CCDC83: variants seen among roughly 807,000 people sequenced by gnomAD.
The protein encoded by CCDC83 is coiled-coil domain-containing protein 83.
Under a neutral mutation model 50.1 loss-of-function variants are expected in CCDC83, and 54 were observed. The ratio of observed to expected loss-of-function variants is 1.08; its 90% CI spans 0.87 to 1.35. The LOEUF is 1.35. Ranked by LOEUF, CCDC83 falls within the 40% of genes most tolerant of loss-of-function variation. The probability of loss-of-function intolerance (pLI) is 0.00; values close to 1 mark genes in which losing one functional copy is unlikely to be tolerated. For synonymous variants in CCDC83, 161 were observed against 153.3 expected (o/e 1.05, Z -0.37); for missense variants, 518 against 473.9 (o/e 1.09, Z -0.86).
intron 3 of CCDC83, among the ~76,000 whole-genome samples, chr11:85,882,021 C>A (rs545402195): frequency 6.6e-6 from 1 of 152,126 alleles, no homozygotes; most frequent in South Asian, 2.1e-4. Context: ...TAACATGAAT[C>A]TTTTGTTATA....
intron 7 of CCDC83, among the ~76,000 whole-genome samples, chr11:85,907,304 A>T (rs2093430312): frequency 6.6e-6 from 1 of 152,162 alleles, no homozygotes; most frequent in African/African-American, 2.4e-5. Context: ...GTAACACTGC[A>T]TGATTTCAAT....
rs747578367 is a variant in CCDC83, at chr11:85,898,959, C to T, written c.616C>T (p.Leu206Phe). 1.2e-6 allele frequency: 2 copies of T among 1,611,362 alleles called. No individual in the cohort carries two copies. The highest frequency in any genetic ancestry group is 1.7e-6 in the Non-Finnish European group (2 of 1,178,222). ...AACTTTCTTTTAGAATGCTGTAAAG[C>T]TCATTGACAAGGGCAGTTATCTAGA... ...KEWATQNAVK[L>F]IDKGSYLEIW... Residue 206 changes from leucine to phenylalanine, a missense_variant, in exon 7 of 11, where the codon CTC (leucine) becomes TTC (phenylalanine). Transcript: ENST00000342404.
intron 3 of CCDC83, among the ~76,000 whole-genome samples, chr11:85,880,494 T>C (rs772317818): frequency 1.3e-5 from 2 of 152,220 alleles, no homozygotes; most frequent in Non-Finnish European, 2.9e-5. Context: ...CAGGCTGGTC[T>C]TGAACTCCTA....
Position 85,856,184 on chromosome 11 carries a change from CAAAAA to C in CCDC83, c.-29+615_-29+619del, listed in dbSNP as rs370054964. On this transcript the variant is annotated intron_variant, in intron 1 of 10. Coordinates refer to ENST00000342404, the MANE Select transcript of CCDC83 (RefSeq NM_001286159.2). Reference sequence around the variant, plus strand: ...ATGGGAAAAAGTGCCCTATCTAAGCCAAAAAAAAAAAAAAAAAAAGGAAAAGAAAG... The same window carrying C: ...ATGGGAAAAAGTGCCCTATCTAAGCCAAAAAAAAAAAAAAGGAAAAGAAAG... Among the ~76,000 whole-genome samples the C allele has an allele frequency of 2.3e-4, 22 of 94,876 alleles. 1 individual carries two copies. The highest frequency in any genetic ancestry group is 8.4e-4 in the African/African-American group (21 of 24,972). The allele number at this position is 94,876 out of a possible 152,430, so 62.2% of individuals were successfully genotyped here.
chr11:85,910,831 C>T (rs1398326935), intron 7 of CCDC83, among the ~76,000 whole-genome samples: 1 of 152,132 alleles, frequency 6.6e-6, no homozygotes, highest in African/African-American at 2.4e-5. Flanking sequence ...AATAGGTCTT[C>T]CCCTCAGGCA....
intron 10 of CCDC83, chr11:85,918,038 C>G (rs925233152): frequency 6.6e-6 from 1 of 152,180 alleles, no homozygotes; most frequent in African/African-American, 2.4e-5. Context: ...TTACATTTAT[C>G]ACAGCTACAT....
At position 85,891,800 on chromosome 11, in the gene CCDC83, T is replaced by A. The variant is rs1369915073; in HGVS notation, c.512-3493T>A. ...TTGAGTTAGATATAATTAGGCCAGT[T>A]TAAAGATAAGAAAACAGGCCCAGGG... On this transcript the variant is annotated intron_variant, in intron 5 of 10. Transcript: ENST00000342404. 3.3e-5 allele frequency among the ~76,000 whole-genome samples: 5 copies of A among 152,142 alleles called. No individual in the cohort carries two copies. In the East Asian group the frequency reaches 7.7e-4, roughly 23 times the overall value.
chr11:85,898,192 C>T (rs927721501), intron 6 of CCDC83, among the ~76,000 whole-genome samples: 3 of 151,746 alleles, frequency 2.0e-5, no homozygotes, highest in African/African-American at 7.3e-5. Flanking sequence ...ATAAATTTAC[C>T]CTTAACACAC....
intron 4 of CCDC83, among the ~76,000 whole-genome samples, chr11:85,883,922 C>G (rs2135040337): frequency 6.6e-6 from 1 of 152,266 alleles, no homozygotes; most frequent in South Asian, 2.1e-4. Context: ...CTACCCAAGT[C>G]TCTTCATTGG....
chr11:85,882,705 G>A (rs369566487), intron 4 of CCDC83, 30 bp downstream of exon 4: 7 of 1,593,488 alleles, frequency 4.4e-6, no homozygotes, highest in Non-Finnish European at 6.0e-6. Context: ...AACTATCATA[G>A]AGTTGTGCCA....
At chr11:85,876,553 G>T (rs1566074721) in intron 3 of CCDC83, among the ~76,000 whole-genome samples, 1 of 152,192 alleles carries the variant, frequency 6.6e-6, no homozygotes, top group African/African-American at 2.4e-5. Context: ...CACCCAGGCT[G>T]GAGTGCAGTG....
At chr11:85,892,727 G>T (rs2093356041) in intron 5 of CCDC83, among the ~76,000 whole-genome samples, 1 of 152,092 alleles carries the variant, frequency 6.6e-6, no homozygotes, top group South Asian at 2.1e-4. Flanking sequence ...TTGGGTAGAA[G>T]TTCAAATAAA....
At chr11:85,894,002 T>G (rs1228620735) in intron 5 of CCDC83, among the ~76,000 whole-genome samples, 1 of 151,844 alleles carries the variant, frequency 6.6e-6, no homozygotes, top group African/African-American at 2.4e-5. Context: ...GAATCAGGGC[T>G]CCCACTGATT....
intron 8 of CCDC83, 147 bp from the exon 9 acceptor site, chr11:85,915,272 C>T: frequency 1.7e-6 from 1 of 593,284 alleles, no homozygotes; most frequent in Non-Finnish European, 3.0e-6. Context: ...GTCTGCCACC[C>T]CACTGGGCTT....
chr11:85,876,654 G>A (rs1037662875), intron 3 of CCDC83, among the ~76,000 whole-genome samples: 1 of 152,158 alleles, frequency 6.6e-6, no homozygotes, highest in African/African-American at 2.4e-5. Context: ...ACAGGCATGC[G>A]CCACCACACC....
At chr11:85,856,424 T>G (rs751543365) in intron 1 of CCDC83, among the ~76,000 whole-genome samples, 2 of 152,218 alleles carry the variant, frequency 1.3e-5, no homozygotes, top group Non-Finnish European at 2.9e-5. Context: ...TAGTTATTTT[T>G]CTTTTCTTTG....
intron 2 of CCDC83, among the ~76,000 whole-genome samples, chr11:85,866,059 C>T (rs2093205028): frequency 1.3e-5 from 2 of 152,198 alleles, no homozygotes; most frequent in African/African-American, 4.8e-5. Flanking sequence ...TATAATGTCT[C>T]ACTCCTAGGA....
intron 4 of CCDC83, among the ~76,000 whole-genome samples, chr11:85,883,094 T>A (rs2093309615): frequency 6.6e-6 from 1 of 152,046 alleles, no homozygotes; most frequent in Non-Finnish European, 1.5e-5. Flanking sequence ...TTTTGTTCCT[T>A]TTTTGTAGAG....
intron 5 of CCDC83, 102 bp downstream of exon 5, chr11:85,886,469 T>C: frequency 1.1e-6 from 1 of 919,094 alleles, no homozygotes; most frequent in Non-Finnish European, 1.5e-6. Context: ...CATTCATTAC[T>C]CTGCTGTCAG....
Sources: allele counts gnomAD v4.1 joint callset (sites outside exome capture counted in the v4.1 genomes callset), GRCh38; gene constraint gnomAD v4.1.1; transcripts MANE v1.5; gene names NCBI Gene and HGNC (gene_info 2026-07-23, HGNC 2026-07-21).